The following MELK variants were observed in gnomAD, a reference collection of about 807,000 sequenced individuals.
MELK encodes the protein maternal embryonic leucine zipper kinase.
MELK carries 81 observed loss-of-function variants against 85.0 expected under a neutral mutation model. That is an observed-to-expected ratio of 0.95 (90% CI 0.80 to 1.15). The LOEUF is 1.15. Among genes scored for constraint, MELK ranks in the 50% most tolerant of loss-of-function variants. MELK has a pLI of 0.00. For synonymous variants in MELK, 252 were observed against 265.0 expected, an observed-to-expected ratio of 0.95 and a Z score of 0.48; for missense variants, 754 against 777.5, an observed-to-expected ratio of 0.97 and a Z score of 0.36.
chr9:36,627,763 G>A (rs974849729), intron 8 of MELK, among the ~76,000 whole-genome samples: 2 of 151,280 alleles, frequency 1.3e-5, no homozygotes, highest in East Asian at 3.9e-4. Context: ...CCGACCTCAG[G>A]TGATCCGCCC....
chr9:36,605,831 C>T (rs761195070), intron 7 of MELK, among the ~76,000 whole-genome samples: 48 of 150,818 alleles, frequency 3.2e-4, no homozygotes, highest in Non-Finnish European at 5.7e-4. Flanking sequence ...CCTTCCTTTC[C>T]TTCTTTCCTC....
intron 7 of MELK, chr9:36,606,673 A>T (rs572151245): frequency 1.4e-5 from 2 of 146,394 alleles, no homozygotes; most frequent in East Asian, 3.9e-4. Flanking sequence ...GTATATATGG[A>T]CATATATATG....
intron 17 of MELK, among the ~76,000 whole-genome samples, chr9:36,675,764 G>A (rs532990806): frequency 1.3e-5 from 2 of 152,210 alleles, no homozygotes; most frequent in East Asian, 1.9e-4. Flanking sequence ...CAAGATGGCC[G>A]TATTTCTAAG....
At chr9:36,587,118 G>A (rs1026094216) in intron 3 of MELK, among the ~76,000 whole-genome samples, 4 of 151,964 alleles carry the variant, frequency 2.6e-5, no homozygotes, top group African/African-American at 9.7e-5. Context: ...CAAAGTGCTG[G>A]GATTACAGGT....
intron 7 of MELK, among the ~76,000 whole-genome samples, chr9:36,606,565 A>ATATATAATATATACATATGTATAGGTGTG (rs1491232934): frequency 8.8e-5 from 12 of 136,524 alleles, no homozygotes; most frequent in African/African-American, 3.1e-4. Flanking sequence ...TGTGTATATA[A>ATATATAATATATACATATGTATAGGTGTG]TATATAATAT....
In MELK at chr9:36,627,807, G is replaced by A. The variant is rs574578965; in HGVS notation, c.667-2492G>A. Among the ~76,000 whole-genome samples the A allele has an allele frequency of 2.0e-4, 31 of 151,310 alleles. No individual in the cohort carries two copies. The South Asian group carries it at 6.3e-3, about 31-fold the overall frequency. On this transcript the variant is annotated intron_variant, in intron 8 of 17. Coordinates refer to ENST00000298048, the MANE Select transcript of MELK (RefSeq NM_014791.4). ...CTCCCAAAGTGCTGGGATTACAGGC[G>A]TGAGCCACTGTGCCCAGCCTGAGAG...
intron 3 of MELK, among the ~76,000 whole-genome samples, chr9:36,586,240 G>T (rs527919941): frequency 1.1e-4 from 17 of 152,090 alleles, no homozygotes; most frequent in Admixed American, 2.0e-4. Flanking sequence ...CTACTTGCGG[G>T]GCTGAGGTGG....
At position 36,583,678 on chromosome 9, in the gene MELK, T is replaced by C. The variant is rs758161923; in HGVS notation, c.110T>C (p.Val37Ala). ...LACHILTGEM[V>A]AIKIMDKNTL... ...TGCCATATCCTTACTGGAGAGATGG[T>C]AGCTATAAAAATCATGGATAAAAAC... Residue 37 changes from valine (V) to alanine (A), a missense_variant, in exon 3 of 18, where the codon GTA becomes GCA. Physicochemically the swap from Val to Ala is moderately conservative, Grantham distance 64 (BLOSUM62 0). Transcript: ENST00000298048. 2 of 1,612,922 alleles carry C rather than the reference T, an allele frequency of 1.2e-6. No homozygotes were observed. Among genetic ancestry groups the C allele is most frequent in the South Asian group, 2.2e-5 (2 of 90,960 alleles).
intron 8 of MELK, among the ~76,000 whole-genome samples, chr9:36,625,259 C>A (rs2136311127): frequency 6.6e-6 from 1 of 152,098 alleles, no homozygotes; most frequent in East Asian, 1.9e-4. Context: ...TTGTTCCAAG[C>A]TGATCTCCAC....
At chr9:36,588,073 C>CT (rs997840378) in intron 3 of MELK, among the ~76,000 whole-genome samples, 3 of 147,204 alleles carry the variant, frequency 2.0e-5, no homozygotes, top group Admixed American at 1.4e-4. Flanking sequence ...AATCAGAGTC[C>CT]TTTTTTTTTT....
Position 36,656,283 on chromosome 9 carries a change from C to T in MELK, c.1054-958C>T, listed in dbSNP as rs73439166. Among the ~76,000 whole-genome samples the T allele has an allele frequency of 7.0e-3, 1,065 of 152,268 alleles. 15 individuals carry two copies. Among genetic ancestry groups the T allele is most frequent in the African/African-American group, 0.025 (1,031 of 41,552 alleles). On this transcript the variant is annotated intron_variant, in intron 12 of 17. Transcript: ENST00000298048. Reference sequence around the variant, plus strand: ...GTTTCCCCTCCATCTTCTACTTTGTCAGATCTTTTTATTTGTAAATTTGCA... The same window carrying T: ...GTTTCCCCTCCATCTTCTACTTTGTTAGATCTTTTTATTTGTAAATTTGCA...
intron 1 of MELK, among the ~76,000 whole-genome samples, chr9:36,578,283 C>T (rs1352226787): frequency 6.6e-6 from 1 of 151,810 alleles, no homozygotes; most frequent in African/African-American, 2.4e-5. Context: ...TCAATTGTCC[C>T]AGCTCCAGAG....
At chr9:36,639,859 T>A (rs2065604) in intron 10 of MELK, among the ~76,000 whole-genome samples, 2 of 151,968 alleles carry the variant, frequency 1.3e-5, no homozygotes, top group Non-Finnish European at 1.5e-5. Context: ...GTTAAAAAAA[T>A]ATTTTTTTTT....
intron 11 of MELK, among the ~76,000 whole-genome samples, chr9:36,649,105 A>G (rs1326216617): frequency 3.3e-5 from 5 of 152,244 alleles, no homozygotes; most frequent in Non-Finnish European, 5.9e-5. Flanking sequence ...TCCAAGAGAT[A>G]GCTCTTGAAA....
chr9:36,642,418 C>CTTTTTTTTT, intron 10 of MELK, among the ~76,000 whole-genome samples: 1 of 84,774 alleles, frequency 1.2e-5, no homozygotes, highest in Non-Finnish European at 2.2e-5. Context: ...TACAACAGAA[C>CTTTTTTTTT]TTTTTTTTTT....
At chr9:36,609,119 TGG>T (rs1263736793) in intron 8 of MELK, among the ~76,000 whole-genome samples, 1 of 152,118 alleles carries the variant, frequency 6.6e-6, no homozygotes, top group Non-Finnish European at 1.5e-5. Context: ...AGTTGTTGCT[TGG>T]GGTTAGGGGT....
intron 1 of MELK, among the ~76,000 whole-genome samples, chr9:36,574,866 G>A (rs544915041): frequency 3.9e-5 from 6 of 152,272 alleles, no homozygotes; most frequent in African/African-American, 1.4e-4. Context: ...GCCGGGCGCG[G>A]TGGCTCACGC....
chr9:36,655,220 T>A (rs1250861575), intron 12 of MELK, among the ~76,000 whole-genome samples: 3 of 152,112 alleles, frequency 2.0e-5, no homozygotes, highest in Non-Finnish European at 4.4e-5. Flanking sequence ...TCATAGTAGA[T>A]GATGGGGGCC....
intron 17 of MELK, among the ~76,000 whole-genome samples, chr9:36,675,865 A>G (rs1406341293): frequency 3.9e-5 from 6 of 152,250 alleles, no homozygotes; most frequent in African/African-American, 1.4e-4. Context: ...TAGAATAGTC[A>G]ATATAGAGTA....
Sources: allele counts gnomAD v4.1 joint callset (sites outside exome capture counted in the v4.1 genomes callset), GRCh38; gene constraint gnomAD v4.1.1; transcripts MANE v1.5; gene names NCBI Gene and HGNC (gene_info 2026-07-23, HGNC 2026-07-21).